The following TRIO variants were observed in gnomAD, a reference collection of about 807,000 sequenced individuals.
The protein encoded by TRIO is triple functional domain protein.
Under a neutral mutation model 351.9 loss-of-function variants are expected in TRIO, and 58 were observed. That is an observed-to-expected ratio of 0.16 (90% CI 0.13 to 0.21). The LOEUF is 0.21. Ranked by LOEUF, TRIO falls within the 10% of genes least tolerant of loss-of-function variation. The probability of loss-of-function intolerance (pLI) is 1.00; values close to 1 mark genes in which losing one functional copy is unlikely to be tolerated. For synonymous variants in TRIO, 1,758 were observed against 1,595.7 expected (o/e 1.10, Z -2.42); for missense variants, 3,201 against 4,027.8 (o/e 0.79, Z 5.56).
intron 40 of TRIO, 145 bp from the exon 41 acceptor site, chr5:14,476,749 A>T: frequency 1.6e-6 from 1 of 631,372 alleles, no homozygotes; most frequent in Non-Finnish European, 2.6e-6. Flanking sequence ...AACCAAGATC[A>T]CACCACTGCA....
chr5:14,257,501 G>T (rs540286995), intron 1 of TRIO, among the ~76,000 whole-genome samples: 1 of 152,058 alleles, frequency 6.6e-6, no homozygotes, highest in Non-Finnish European at 1.5e-5. Context: ...TTGTATTCTG[G>T]CTGGCCCTTT....
At chr5:14,305,998 G>A (rs1738335772) in intron 8 of TRIO, among the ~76,000 whole-genome samples, 1 of 152,220 alleles carries the variant, frequency 6.6e-6, no homozygotes, top group Non-Finnish European at 1.5e-5. Context: ...CTATAGCCTA[G>A]GTGTGCAGTA....
At chr5:14,437,063 CCTT>C (rs1751643439) in intron 34 of TRIO, among the ~76,000 whole-genome samples, 1 of 152,194 alleles carries the variant, frequency 6.6e-6, no homozygotes. Context: ...TTTATTCTAA[CCTT>C]CTTCCTTTCC....
chr5:14,252,590 G>T (rs1794807200), intron 1 of TRIO, among the ~76,000 whole-genome samples: 1 of 152,240 alleles, frequency 6.6e-6, no homozygotes, highest in South Asian at 2.1e-4. Context: ...ACAAAAGATT[G>T]CAGGAGAGCC....
At chr5:14,222,908 C>G (rs1792739491) in intron 1 of TRIO, among the ~76,000 whole-genome samples, 1 of 152,174 alleles carries the variant, frequency 6.6e-6, no homozygotes, top group Admixed American at 6.5e-5. Context: ...TGGAGAGAAT[C>G]AGATGGCGTG....
chr5:14,488,599 T>A (rs1756229578), intron 48 of TRIO: 2 of 487,510 alleles, frequency 4.1e-6, no homozygotes, highest in African/African-American at 3.8e-5. Flanking sequence ...GGAGGGTTCC[T>A]TTTCCCTGCT....
intron 19 of TRIO, among the ~76,000 whole-genome samples, chr5:14,374,975 C>A (rs1745429740): frequency 6.6e-6 from 1 of 152,068 alleles, no homozygotes; most frequent in South Asian, 2.1e-4. Flanking sequence ...ACCAGGGATA[C>A]ACAGCCTAAG....
intron 49 of TRIO, among the ~76,000 whole-genome samples, chr5:14,494,840 A>G (rs1003583442): frequency 1.3e-5 from 2 of 152,270 alleles, no homozygotes; most frequent in Admixed American, 1.3e-4. Context: ...CGGAGGTTGC[A>G]TAGAGCCTAG....
intron 1 of TRIO, among the ~76,000 whole-genome samples, chr5:14,243,776 T>C: frequency 6.6e-6 from 1 of 152,192 alleles, no homozygotes. Context: ...TTTTCATGAG[T>C]TTTTGTCTAG....
chr5:14,231,572 G>T (rs1172251176), intron 1 of TRIO, among the ~76,000 whole-genome samples: 3 of 152,158 alleles, frequency 2.0e-5, no homozygotes, highest in African/African-American at 7.2e-5. Context: ...CACGTTCATT[G>T]CTAGGGGCTG....
chr5:14,464,028 G>C (rs889796596), intron 36 of TRIO, among the ~76,000 whole-genome samples: 7 of 152,114 alleles, frequency 4.6e-5, no homozygotes, highest in African/African-American at 1.7e-4. Context: ...AGCACAGGTT[G>C]GAGTCCTGGA....
At chr5:14,504,048 G>T (rs1412367757) in intron 54 of TRIO, among the ~76,000 whole-genome samples, 9 of 152,274 alleles carry the variant, frequency 5.9e-5, no homozygotes, top group Admixed American at 5.9e-4. Context: ...AGCCATCCCA[G>T]CTTCTGCTCG....
intron 34 of TRIO, among the ~76,000 whole-genome samples, chr5:14,454,372 A>T (rs1753081874): frequency 1.3e-5 from 2 of 152,212 alleles, no homozygotes; most frequent in African/African-American, 4.8e-5. Flanking sequence ...CAAGTGAGAG[A>T]TGAGTCGCTA....
chr5:14,211,565 A>G (rs1791894183), intron 1 of TRIO, among the ~76,000 whole-genome samples: 1 of 150,354 alleles, frequency 6.7e-6, no homozygotes, highest in South Asian at 2.1e-4. Flanking sequence ...GTGTATATAT[A>G]GAGCTTTCCT....
intron 1 of TRIO, among the ~76,000 whole-genome samples, chr5:14,187,042 T>C (rs16903269): frequency 0.034 from 5,175 of 152,266 alleles, 303 homozygotes; most frequent in African/African-American, 0.12. Flanking sequence ...TACCAAGATA[T>C]GTAAATGTGG....
chr5:14,255,669 A>G (rs1023663074), intron 1 of TRIO, among the ~76,000 whole-genome samples: 1 of 152,226 alleles, frequency 6.6e-6, no homozygotes, highest in Non-Finnish European at 1.5e-5. Flanking sequence ...CCAAACACAG[A>G]ATTCATTTGT....
chr5:14,264,026 T>C (rs1248114295), intron 1 of TRIO, among the ~76,000 whole-genome samples: 1 of 152,236 alleles, frequency 6.6e-6, no homozygotes. Context: ...TTTATAATAC[T>C]ACTACTTCTT....
intron 11 of TRIO, among the ~76,000 whole-genome samples, chr5:14,349,920 C>T (rs960815138): frequency 6.6e-6 from 1 of 152,144 alleles, no homozygotes; most frequent in Non-Finnish European, 1.5e-5. Flanking sequence ...TTGTTCCTCT[C>T]TTTGTGTCCA....
At chr5:14,166,317 C>T (rs1415366380) in intron 1 of TRIO, among the ~76,000 whole-genome samples, 1 of 152,214 alleles carries the variant, frequency 6.6e-6, no homozygotes, top group Non-Finnish European at 1.5e-5. Context: ...AGTGGGGTCT[C>T]TTGACACTTA....
Sources: allele counts gnomAD v4.1 joint callset (sites outside exome capture counted in the v4.1 genomes callset), GRCh38; gene constraint gnomAD v4.1.1; transcripts MANE v1.5; gene names NCBI Gene and HGNC (gene_info 2026-07-23, HGNC 2026-07-21).